The following RAD51B variants were observed in gnomAD, a reference collection of about 807,000 sequenced individuals.
RAD51B encodes the protein DNA repair protein RAD51 homolog 2.
RAD51B carries 38 observed loss-of-function variants against 42.2 expected under a neutral mutation model. The ratio of observed to expected loss-of-function variants is 0.90; its 90% CI spans 0.70 to 1.18. The LOEUF (loss-of-function observed/expected upper bound fraction) is 1.18. Ranked by LOEUF, RAD51B falls within the 50% of genes most tolerant of loss-of-function variation. The pLI, the probability that RAD51B is intolerant of heterozygous loss-of-function variation, is 0.00. For missense variants in RAD51B, 373 were observed against 400.7 expected, an observed-to-expected ratio of 0.93 and a Z score of 0.59; for synonymous variants, 154 against 145.2, an observed-to-expected ratio of 1.06 and a Z score of -0.43.
chr14:68,401,689 C>T (rs1476787253), intron 8 of RAD51B, among the ~76,000 whole-genome samples: 2 of 152,136 alleles, frequency 1.3e-5, no homozygotes, highest in African/African-American at 4.8e-5. Flanking sequence ...GCAGCCCATT[C>T]TTTACCAGCC....
intron 9 of RAD51B, among the ~76,000 whole-genome samples, chr14:68,413,763 A>G (rs1452550795): frequency 2.0e-5 from 3 of 152,166 alleles, no homozygotes; most frequent in Admixed American, 1.3e-4. Flanking sequence ...CTTTTCTGGG[A>G]TATGTGCATA....
At chr14:68,367,521 C>A (rs61986909) in intron 8 of RAD51B, among the ~76,000 whole-genome samples, 1 of 152,136 alleles carries the variant, frequency 6.6e-6, no homozygotes, top group Non-Finnish European at 1.5e-5. Context: ...GGCTGACAGA[C>A]ATTTGAAAGG....
intron 10 of RAD51B, among the ~76,000 whole-genome samples, chr14:68,576,731 A>G (rs1889978763): frequency 6.6e-6 from 1 of 152,114 alleles, no homozygotes. Flanking sequence ...TGGAGGCAAG[A>G]AATGGTTTGG....
At chr14:68,583,428 T>C (rs1890304792) in intron 10 of RAD51B, among the ~76,000 whole-genome samples, 1 of 152,238 alleles carries the variant, frequency 6.6e-6, no homozygotes, top group African/African-American at 2.4e-5. Flanking sequence ...AGCTTTCATA[T>C]GTCCAAATAT....
chr14:68,425,013 A>G (rs1345551867), intron 9 of RAD51B, among the ~76,000 whole-genome samples: 1 of 152,122 alleles, frequency 6.6e-6, no homozygotes, highest in Non-Finnish European at 1.5e-5. Flanking sequence ...GGTTTCATGT[A>G]ATCCTCCTGC....
intron 8 of RAD51B, among the ~76,000 whole-genome samples, chr14:68,406,743 T>C (rs991833348): frequency 2.6e-5 from 4 of 152,274 alleles, no homozygotes; most frequent in African/African-American, 9.6e-5. Context: ...AACTTTTTGA[T>C]CTTGTAATAA....
chr14:68,051,618 C>G (rs1250610314), intron 7 of RAD51B, among the ~76,000 whole-genome samples: 1 of 150,580 alleles, frequency 6.6e-6, no homozygotes, highest in Admixed American at 6.6e-5. Context: ...TTTTAAGAGT[C>G]AGGATCTTGC....
At chr14:68,227,368 C>T (rs1215639131) in intron 7 of RAD51B, among the ~76,000 whole-genome samples, 2 of 152,176 alleles carry the variant, frequency 1.3e-5, no homozygotes, top group Non-Finnish European at 2.9e-5. Flanking sequence ...AGTTTGAAGA[C>T]TGCCTGGGTT....
At chr14:68,251,835 A>G (rs887484177) in intron 7 of RAD51B, among the ~76,000 whole-genome samples, 1 of 152,186 alleles carries the variant, frequency 6.6e-6, no homozygotes, top group Admixed American at 6.5e-5. Context: ...TTATGTAAAA[A>G]TTCTCCATTT....
At chr14:68,174,079 A>T (rs1030662650) in intron 7 of RAD51B, among the ~76,000 whole-genome samples, 2 of 152,140 alleles carry the variant, frequency 1.3e-5, no homozygotes, top group Non-Finnish European at 2.9e-5. Flanking sequence ...TTCCTCTCTT[A>T]TCTTCTTAAT....
At chr14:68,469,331 G>A (rs574096124) in intron 10 of RAD51B, among the ~76,000 whole-genome samples, 1 of 152,320 alleles carries the variant, frequency 6.6e-6, no homozygotes, top group East Asian at 1.9e-4. Flanking sequence ...TCTAACTAAG[G>A]AACAGGCTGC....
At chr14:68,645,820 T>A (rs1425983573) in intron 10 of RAD51B, among the ~76,000 whole-genome samples, 1 of 152,200 alleles carries the variant, frequency 6.6e-6, no homozygotes, top group Non-Finnish European at 1.5e-5. Flanking sequence ...ATTTTTTTCT[T>A]TCAATATTTT....
intron 7 of RAD51B, among the ~76,000 whole-genome samples, chr14:68,199,772 G>T (rs1167484116): frequency 6.6e-6 from 1 of 152,172 alleles, no homozygotes; most frequent in Non-Finnish European, 1.5e-5. Context: ...ATAATAGCTT[G>T]GGTCTGTCTT....
intron 7 of RAD51B, among the ~76,000 whole-genome samples, chr14:68,129,324 A>C (rs2077837758): frequency 2.0e-5 from 3 of 152,202 alleles, no homozygotes. Flanking sequence ...CTATGAGTTT[A>C]GAGTTTGGGG....
chr14:67,863,408 C>A (rs1323636952), intron 4 of RAD51B, among the ~76,000 whole-genome samples: 1 of 152,076 alleles, frequency 6.6e-6, no homozygotes, highest in Non-Finnish European at 1.5e-5. Flanking sequence ...CAGGCCATGA[C>A]CCAGACCTAC....
At chr14:68,604,682 G>T (rs1345882751) in intron 10 of RAD51B, among the ~76,000 whole-genome samples, 1 of 152,190 alleles carries the variant, frequency 6.6e-6, no homozygotes, top group African/African-American at 2.4e-5. Flanking sequence ...GTCATCGAAG[G>T]TCAAGGTTGG....
chr14:67,969,814 A>G (rs758589494), intron 7 of RAD51B, among the ~76,000 whole-genome samples: 2 of 152,202 alleles, frequency 1.3e-5, no homozygotes, highest in Non-Finnish European at 2.9e-5. Context: ...AGGACTTGGT[A>G]ACTGCCAAAT....
intron 8 of RAD51B, among the ~76,000 whole-genome samples, chr14:68,410,923 T>G (rs898953188): frequency 2.0e-5 from 3 of 149,252 alleles, no homozygotes; most frequent in Non-Finnish European, 3.0e-5. Context: ...CTAGATTCCT[T>G]TTTTTGCGTT....
intron 10 of RAD51B, among the ~76,000 whole-genome samples, chr14:68,474,580 T>C (rs745656228): frequency 6.6e-6 from 1 of 152,142 alleles, no homozygotes; most frequent in Non-Finnish European, 1.5e-5. Flanking sequence ...GCCTCAAAAT[T>C]GGGTTTGTAG....
Sources: gnomAD v4.1 joint callset for allele counts (sites outside exome capture counted in the v4.1 genomes callset) on GRCh38, gnomAD v4.1.1 for gene constraint, MANE v1.5 for transcripts, NCBI Gene and HGNC (gene_info 2026-07-23, HGNC 2026-07-21) for gene names.